Variants in CTNNA3 observed in about 807,000 individuals in gnomAD.
The protein encoded by CTNNA3 is catenin alpha 3.
In CTNNA3, 76 loss-of-function variants were observed where a neutral mutation model predicts 95.7. That is an observed-to-expected ratio of 0.79 (90% CI 0.66 to 0.96). The LOEUF (loss-of-function observed/expected upper bound fraction) is 0.96. Ranked by LOEUF, CTNNA3 falls within the 40% of genes least tolerant of loss-of-function variation. The pLI, the probability that CTNNA3 is intolerant of heterozygous loss-of-function variation, is 0.00. For synonymous variants in CTNNA3, 431 were observed against 374.4 expected, an observed-to-expected ratio of 1.15 and a Z score of -1.74; for missense variants, 1,191 against 1,089.8, an observed-to-expected ratio of 1.09 and a Z score of -1.31.
intron 15 of CTNNA3, among the ~76,000 whole-genome samples, chr10:66,033,799 C>A (rs1589273111): frequency 6.6e-6 from 1 of 152,080 alleles, no homozygotes; most frequent in South Asian, 2.1e-4. Flanking sequence ...TTTTTCTATA[C>A]CTCTACACGT....
chr10:66,611,540 C>T (rs373573032), intron 10 of CTNNA3, among the ~76,000 whole-genome samples: 2 of 152,200 alleles, frequency 1.3e-5, no homozygotes, highest in East Asian at 3.9e-4. Flanking sequence ...ATTAGGTTTA[C>T]TTTTCAATTT....
At chr10:66,178,421 A>G (rs1039270934) in intron 13 of CTNNA3, among the ~76,000 whole-genome samples, 4 of 72,856 alleles carry the variant, frequency 5.5e-5, no homozygotes, top group African/African-American at 2.7e-4. Flanking sequence ...ATATATATAT[A>G]TATATATATA....
intron 13 of CTNNA3, among the ~76,000 whole-genome samples, chr10:66,130,165 C>A (rs1171852243): frequency 6.6e-6 from 1 of 152,168 alleles, no homozygotes; most frequent in Non-Finnish European, 1.5e-5. Flanking sequence ...TAGTCCTGCA[C>A]CCACCACAAA....
chr10:67,558,519 G>A (rs936235246), intron 3 of CTNNA3, among the ~76,000 whole-genome samples: 11 of 152,194 alleles, frequency 7.2e-5, no homozygotes, highest in South Asian at 2.1e-4. Flanking sequence ...CAAGATGGCC[G>A]AATAGGAACA....
At chr10:67,006,343 G>C (rs1000363338) in intron 7 of CTNNA3, among the ~76,000 whole-genome samples, 3 of 152,084 alleles carry the variant, frequency 2.0e-5, no homozygotes, top group Non-Finnish European at 2.9e-5. Flanking sequence ...TTACCAAATT[G>C]CTAATAAACT....
intron 10 of CTNNA3, among the ~76,000 whole-genome samples, chr10:66,608,729 T>C (rs1423232513): frequency 6.6e-6 from 1 of 152,152 alleles, no homozygotes; most frequent in Non-Finnish European, 1.5e-5. Flanking sequence ...GATAACTGGC[T>C]AGCCATACGC....
intron 7 of CTNNA3, among the ~76,000 whole-genome samples, chr10:67,041,967 G>T (rs952816853): frequency 1.9e-4 from 29 of 152,192 alleles, no homozygotes; most frequent in South Asian, 4.2e-4. Flanking sequence ...AGGACACATT[G>T]GGCATATATA....
At chr10:67,509,390 G>A (rs112807971) in intron 5 of CTNNA3, among the ~76,000 whole-genome samples, 2,509 of 152,136 alleles carry the variant, frequency 0.016, 75 homozygotes, top group African/African-American at 0.055. Context: ...CCTGCCCTGT[G>A]TCCAAGTGTT....
At chr10:67,662,479 G>T (rs192631020) in intron 1 of CTNNA3, among the ~76,000 whole-genome samples, 3 of 152,136 alleles carry the variant, frequency 2.0e-5, no homozygotes, top group Non-Finnish European at 4.4e-5. Context: ...CAAGTGAATG[G>T]ATAAACAATC....
Position 66,531,677 on chromosome 10 carries a change from AT to A in CTNNA3, c.1375-10905del, listed in dbSNP as rs375435962. Among the ~76,000 whole-genome samples the A allele has an allele frequency of 1.1e-3, 173 of 152,276 alleles. 6 individuals carry two copies. In the South Asian group the frequency reaches 0.035, roughly 31 times the overall value. ...ACTCAACAATCATTTTAATATTCCAATTTTTTTAAGTCTGAGTTAAATAAAT... is the reference window on the plus strand; with the variant it reads ...ACTCAACAATCATTTTAATATTCCAATTTTTTAAGTCTGAGTTAAATAAAT... On this transcript the variant is annotated intron_variant, in intron 10 of 17. Coordinates refer to ENST00000433211, the MANE Select transcript of CTNNA3 (RefSeq NM_013266.4).
At chr10:67,759,429 T>C (rs761351643) in intron 1 of CTNNA3, among the ~76,000 whole-genome samples, 3 of 152,226 alleles carry the variant, frequency 2.0e-5, no homozygotes, top group Non-Finnish European at 2.9e-5. Context: ...GCAGCTAAGT[T>C]AATATTACCA....
intron 13 of CTNNA3, among the ~76,000 whole-genome samples, chr10:66,151,749 CAT>C (rs2133907094): frequency 6.6e-6 from 1 of 152,034 alleles, no homozygotes; most frequent in East Asian, 1.9e-4. Context: ...AATGTCTTGA[CAT>C]ATTAAAGTTT....
intron 13 of CTNNA3, among the ~76,000 whole-genome samples, chr10:66,228,248 A>G (rs1437594564): frequency 6.6e-6 from 1 of 152,000 alleles, no homozygotes; most frequent in East Asian, 1.9e-4. Flanking sequence ...CTAATTTCTC[A>G]GAATGCATCA....
intron 15 of CTNNA3, among the ~76,000 whole-genome samples, chr10:66,001,624 A>C (rs1366948495): frequency 1.3e-5 from 2 of 152,204 alleles, no homozygotes; most frequent in Non-Finnish European, 2.9e-5. Flanking sequence ...ATAGAAAATC[A>C]AATGTTTTAC....
At chr10:66,621,640 C>A in intron 10 of CTNNA3, 52 bp downstream of exon 10, 3 of 1,045,502 alleles carry the variant, frequency 2.9e-6, no homozygotes, top group Non-Finnish European at 4.2e-6. Context: ...TGCATAAAAG[C>A]ATTAGGAATT....
rs1363683434 is a variant in CTNNA3, at chr10:66,297,070, T to C, written c.1733-16449A>G. Among the ~76,000 whole-genome samples, 7 of 152,296 alleles carry C rather than the reference T, an allele frequency of 4.6e-5. No individual in the cohort carries two copies. In the East Asian group the frequency reaches 1.3e-3, roughly 29 times the overall value. On this transcript the variant is annotated intron_variant, in intron 12 of 17. Coordinates refer to ENST00000433211, the MANE Select transcript of CTNNA3 (RefSeq NM_013266.4). ...AAAATGTTACATCATTTTACTGAATTGAAAACATTAATGAAATATAATGTG... is the reference window on the plus strand; with the variant it reads ...AAAATGTTACATCATTTTACTGAATCGAAAACATTAATGAAATATAATGTG...
At chr10:67,756,618 T>C (rs1841434415) in intron 1 of CTNNA3, among the ~76,000 whole-genome samples, 1 of 152,164 alleles carries the variant, frequency 6.6e-6, no homozygotes, top group South Asian at 2.1e-4. Context: ...TCTATTTACA[T>C]AAAATGTAAT....
intron 11 of CTNNA3, among the ~76,000 whole-genome samples, chr10:66,481,612 C>T (rs1839536645): frequency 6.8e-6 from 1 of 147,288 alleles, no homozygotes; most frequent in Admixed American, 6.6e-5. Context: ...GCTGGGACTA[C>T]AGGCGCCTGC....
chr10:66,243,719 G>A (rs148996664), intron 13 of CTNNA3, among the ~76,000 whole-genome samples: 49 of 152,306 alleles, frequency 3.2e-4, no homozygotes, highest in African/African-American at 1.1e-3. Context: ...CTGAGGCTGA[G>A]TCATGATCGT....
Sources: allele counts gnomAD v4.1 joint callset (sites outside exome capture counted in the v4.1 genomes callset), GRCh38; gene constraint gnomAD v4.1.1; transcripts MANE v1.5; gene names NCBI Gene and HGNC (gene_info 2026-07-23, HGNC 2026-07-21).